Variants in SLC25A21 observed in about 807,000 individuals in gnomAD.
The protein encoded by SLC25A21 is mitochondrial 2-oxodicarboxylate carrier.
A neutral mutation model predicts 43.8 loss-of-function variants in SLC25A21; 47 were observed. The observed-to-expected ratio is 1.07, with a 90% confidence interval of 0.85 to 1.37. The LOEUF (loss-of-function observed/expected upper bound fraction) is 1.37. Among genes scored for constraint, SLC25A21 ranks in the 40% most tolerant of loss-of-function variants. The pLI, the probability that SLC25A21 is intolerant of heterozygous loss-of-function variation, is 0.00. For missense variants in SLC25A21, 352 were observed against 350.2 expected (o/e 1.00, Z -0.04); for synonymous variants, 131 against 121.3 (o/e 1.08, Z -0.52).
At chr14:37,035,355 T>A (rs1163239879) in intron 1 of SLC25A21, among the ~76,000 whole-genome samples, 1 of 152,236 alleles carries the variant, frequency 6.6e-6, no homozygotes, top group Non-Finnish European at 1.5e-5. Context: ...AGTTTTAATC[T>A]ATAAGGTTCT....
In SLC25A21 at chr14:36,693,624, G is replaced by GT. The variant is rs565674488; in HGVS notation, c.604-8700dup. 6.2e-3 allele frequency among the ~76,000 whole-genome samples: 940 copies of GT among 152,124 alleles called. 7 individuals carry two copies. Among genetic ancestry groups the GT allele is most frequent in the Middle Eastern group, 0.01 (3 of 294 alleles). On this transcript the variant is annotated intron_variant, in intron 7 of 9. Coordinates refer to ENST00000331299, the MANE Select transcript of SLC25A21 (RefSeq NM_030631.4). ...AAGATTTATACATATCACATATCTA[G>GT]TTTTTTATTTTTATTTATTTATTTT...
chr14:36,702,706 A>G (rs763401), intron 7 of SLC25A21, among the ~76,000 whole-genome samples: 28,166 of 152,020 alleles, frequency 0.19, 3,812 homozygotes, highest in East Asian at 0.59. Flanking sequence ...CGTCATTAAG[A>G]GAGGAGCAAT....
chr14:36,750,178 C>T (rs1594551095), intron 3 of SLC25A21, among the ~76,000 whole-genome samples: 1 of 152,200 alleles, frequency 6.6e-6, no homozygotes, highest in African/African-American at 2.4e-5. Context: ...ATTCTAAGAT[C>T]AATCTCTTTC....
At chr14:36,782,381 A>G (rs922175889) in intron 3 of SLC25A21, among the ~76,000 whole-genome samples, 2 of 151,954 alleles carry the variant, frequency 1.3e-5, no homozygotes, top group Non-Finnish European at 2.9e-5. Context: ...ATTTCTCTTG[A>G]TGGTGCCCCA....
At chr14:36,995,254 G>T (rs539386374) in intron 1 of SLC25A21, among the ~76,000 whole-genome samples, 11 of 152,238 alleles carry the variant, frequency 7.2e-5, no homozygotes, top group Middle Eastern at 3.4e-3. Flanking sequence ...TACAAATGCG[G>T]ATTCTACATA....
At chr14:36,735,239 G>A (rs189798450) in intron 3 of SLC25A21, among the ~76,000 whole-genome samples, 4 of 152,114 alleles carry the variant, frequency 2.6e-5, no homozygotes, top group African/African-American at 7.2e-5. Flanking sequence ...CAGTGTTGAC[G>A]GGCAACATGG....
At chr14:36,996,986 G>T (rs747721021) in intron 1 of SLC25A21, among the ~76,000 whole-genome samples, 4 of 152,100 alleles carry the variant, frequency 2.6e-5, no homozygotes, top group Non-Finnish European at 4.4e-5. Flanking sequence ...AGGCTGACAG[G>T]GAAGAAATGA....
At chr14:36,916,962 T>C (rs1426877505) in intron 1 of SLC25A21, among the ~76,000 whole-genome samples, 1 of 152,114 alleles carries the variant, frequency 6.6e-6, no homozygotes, top group Non-Finnish European at 1.5e-5. Flanking sequence ...TAGATGTCCT[T>C]GCTCTTTCAT....
chr14:36,967,394 C>T (rs924619775), intron 1 of SLC25A21, among the ~76,000 whole-genome samples: 1 of 152,172 alleles, frequency 6.6e-6, no homozygotes, highest in African/African-American at 2.4e-5. Flanking sequence ...ACTCTACTAA[C>T]CATACATGAG....
chr14:36,967,842 G>C (rs369735502), intron 1 of SLC25A21, among the ~76,000 whole-genome samples: 6 of 152,282 alleles, frequency 3.9e-5, no homozygotes, highest in African/African-American at 1.4e-4. Flanking sequence ...TTGTGTGTGT[G>C]TGTGTGTCTG....
chr14:36,828,388 ACTT>A (rs991160812), intron 2 of SLC25A21: 3 of 152,146 alleles, frequency 2.0e-5, no homozygotes, highest in African/African-American at 7.2e-5. Flanking sequence ...AGTAATTGGC[ACTT>A]CTTCGTTTTC....
intron 1 of SLC25A21, among the ~76,000 whole-genome samples, chr14:36,979,688 GTCTAAATA>G (rs1331641690): frequency 1.3e-5 from 2 of 152,126 alleles, no homozygotes; most frequent in African/African-American, 4.8e-5. Context: ...TGCTTACACT[GTCTAAATA>G]TAAACAACTT....
chr14:36,817,864 C>G (rs1888507093), intron 2 of SLC25A21, among the ~76,000 whole-genome samples: 1 of 152,150 alleles, frequency 6.6e-6, no homozygotes, highest in South Asian at 2.1e-4. Flanking sequence ...AACGTGTATA[C>G]AGAGTATGAT....
chr14:37,090,550 C>A (rs1174425732), intron 1 of SLC25A21, among the ~76,000 whole-genome samples: 1 of 152,172 alleles, frequency 6.6e-6, no homozygotes, highest in Non-Finnish European at 1.5e-5. Context: ...TGCTACTTAG[C>A]TTTCAATATT....
chr14:36,934,840 T>C (rs2138641139), intron 1 of SLC25A21, among the ~76,000 whole-genome samples: 1 of 152,290 alleles, frequency 6.6e-6, no homozygotes, highest in African/African-American at 2.4e-5. Flanking sequence ...AAGCACTTAG[T>C]ATGTTTTCCA....
intron 1 of SLC25A21, among the ~76,000 whole-genome samples, chr14:37,032,670 C>CAAAAAACAAA (rs1961242400): frequency 1.1e-5 from 1 of 93,804 alleles, no homozygotes; most frequent in Non-Finnish European, 2.1e-5. Flanking sequence ...GACTCTGTCT[C>CAAAAAACAAA]AAAAAAAAAA....
chr14:36,734,515 C>T lies in SLC25A21; in HGVS notation c.262G>A (p.Ala88Thr), dbSNP rs1286248752. 2.5e-6 allele frequency: 4 copies of T among 1,607,210 alleles called. No homozygotes were observed. Among genetic ancestry groups the T allele is most frequent in the Non-Finnish European group, 3.4e-6 (4 of 1,176,294 alleles). ...PPILAETPKRAVKFFTFEQYK... is the reference protein window; with the variant it reads ...PPILAETPKRTVKFFTFEQYK... ...ACGCATGCAATGCTTACCTTCACTG[C>T]TCTTTTTGGGGTTTCAGCCAAGATA... The change falls in exon 4 of 10, where the codon GCA (alanine) becomes ACA (threonine). Residue 88 changes from alanine (A) to threonine (T), a missense_variant. By Grantham distance (58) the Ala-to-Thr change is moderately conservative. Coordinates refer to ENST00000331299, the MANE Select transcript of SLC25A21 (RefSeq NM_030631.4).
At position 36,744,400 on chromosome 14, in the gene SLC25A21, TGATC is replaced by T. The variant is rs762604037; in HGVS notation, c.204-9831_204-9828del. On this transcript the variant is annotated intron_variant, in intron 3 of 9. Coordinates refer to ENST00000331299, the MANE Select transcript of SLC25A21 (RefSeq NM_030631.4). Reference sequence around the variant, plus strand: ...ATAAAGCCACATACCTACAACCAACTGATCTTTGACAAAGTTGACAAAAATATAT... The same window carrying T: ...ATAAAGCCACATACCTACAACCAACTTTTGACAAAGTTGACAAAAATATAT... Among the ~76,000 whole-genome samples the T allele has an allele frequency of 3.0e-3, 464 of 152,220 alleles. 1 individual carries two copies. Among genetic ancestry groups the T allele is most frequent in the Non-Finnish European group, 5.4e-3 (364 of 68,004 alleles).
Position 36,891,270 on chromosome 14 carries a change from T to C in SLC25A21, c.71-16266A>G, listed in dbSNP as rs533203242. Among the ~76,000 whole-genome samples, 93 of 152,258 alleles carry C rather than the reference T, an allele frequency of 6.1e-4. No homozygotes were observed. The East Asian group carries it at 0.016, about 27-fold the overall frequency. On this transcript the variant is annotated intron_variant, in intron 1 of 9. Coordinates refer to ENST00000331299, the MANE Select transcript of SLC25A21 (RefSeq NM_030631.4). ...GGTGACTACAAAGTCTGAAAACATA[T>C]ATGAATAAACATAATGTCACCAAGG...
Sources: allele counts gnomAD v4.1 joint callset (sites outside exome capture counted in the v4.1 genomes callset), GRCh38; gene constraint gnomAD v4.1.1; transcripts MANE v1.5; gene names NCBI Gene and HGNC (gene_info 2026-07-23, HGNC 2026-07-21).